PCDH9: variants seen among roughly 807,000 people sequenced by gnomAD.
PCDH9 encodes the protein protocadherin 9, also known as protocadherin-9.
Under a neutral mutation model 70.6 loss-of-function variants are expected in PCDH9, and 24 were observed. The observed-to-expected ratio is 0.34, with a 90% confidence interval of 0.25 to 0.48. The LOEUF (loss-of-function observed/expected upper bound fraction) is 0.48. PCDH9 is among the 20% of genes least tolerant of loss of function. The pLI is 0.99. For synonymous variants in PCDH9, 562 were observed against 558.5 expected (o/e 1.01, Z -0.09); for missense variants, 1,281 against 1,503.6 (o/e 0.85, Z 2.45).
chr13:66,382,687 T>C (rs1486261318), intron 4 of PCDH9, among the ~76,000 whole-genome samples: 2 of 152,222 alleles, frequency 1.3e-5, no homozygotes, highest in Non-Finnish European at 2.9e-5. Context: ...CTGATTTTTC[T>C]ATAACTCAAA....
At chr13:66,951,585 G>A (rs886641262) in intron 2 of PCDH9, among the ~76,000 whole-genome samples, 39 of 152,254 alleles carry the variant, frequency 2.6e-4, no homozygotes, top group African/African-American at 8.4e-4. Context: ...AGAGAAGAGA[G>A]CAAAGATGGG....
intron 4 of PCDH9, among the ~76,000 whole-genome samples, chr13:66,540,755 A>G (rs1487395474): frequency 6.6e-6 from 1 of 152,216 alleles, no homozygotes; most frequent in African/African-American, 2.4e-5. Flanking sequence ...ATTAGTGGTA[A>G]TTAAAATTCA....
intron 2 of PCDH9, chr13:67,213,240 A>AAAAAAAAAAAAAAT (rs1593630525): frequency 1.7e-5 from 1 of 59,024 alleles, no homozygotes; most frequent in Non-Finnish European, 3.6e-5. Flanking sequence ...AAAAAAAAAG[A>AAAAAAAAAAAAAAT]AAAAAAAAAG....
intron 3 of PCDH9, among the ~76,000 whole-genome samples, chr13:66,820,212 C>T (rs1019896377): frequency 1.3e-5 from 2 of 151,924 alleles, no homozygotes; most frequent in African/African-American, 2.4e-5. Context: ...AAAAAAAACA[C>T]AAACATAAGC....
At chr13:66,369,659 T>C (rs1431504280) in intron 4 of PCDH9, among the ~76,000 whole-genome samples, 1 of 152,132 alleles carries the variant, frequency 6.6e-6, no homozygotes, top group Non-Finnish European at 1.5e-5. Context: ...TAGAGGGAGA[T>C]TCTTTAGTCA....
At chr13:66,510,730 T>C (rs1022993942) in intron 4 of PCDH9, among the ~76,000 whole-genome samples, 1 of 152,262 alleles carries the variant, frequency 6.6e-6, no homozygotes, top group African/African-American at 2.4e-5. Flanking sequence ...TGGTGTATAT[T>C]TGCCACATTT....
chr13:66,605,400 T>C (rs2077211020), intron 4 of PCDH9, among the ~76,000 whole-genome samples: 1 of 152,040 alleles, frequency 6.6e-6, no homozygotes, highest in Non-Finnish European at 1.5e-5. Flanking sequence ...TATGTTACAG[T>C]TTCAAATAAC....
intron 4 of PCDH9, among the ~76,000 whole-genome samples, chr13:66,330,547 A>G (rs1483939865): frequency 1.3e-5 from 2 of 151,408 alleles, no homozygotes; most frequent in Admixed American, 6.6e-5. Context: ...TTTCCACCCT[A>G]CTCTCTGCTA....
intron 4 of PCDH9, among the ~76,000 whole-genome samples, chr13:66,554,328 A>G (rs1313419688): frequency 6.6e-6 from 1 of 152,130 alleles, no homozygotes; most frequent in Non-Finnish European, 1.5e-5. Flanking sequence ...TTGCAACTTT[A>G]AAGTAGGAAC....
At chr13:66,728,437 C>T (rs950865221) in intron 3 of PCDH9, among the ~76,000 whole-genome samples, 1 of 152,082 alleles carries the variant, frequency 6.6e-6, no homozygotes, top group African/African-American at 2.4e-5. Flanking sequence ...ATGTTGTTTA[C>T]TAAAATCATA....
At chr13:66,633,152 A>G (rs546127161) in intron 3 of PCDH9, among the ~76,000 whole-genome samples, 10 of 152,278 alleles carry the variant, frequency 6.6e-5, no homozygotes, top group African/African-American at 2.2e-4. Context: ...TCTGTGTGAA[A>G]TGAGTTGATA....
chr13:66,509,271 C>T (rs958711503), intron 4 of PCDH9, among the ~76,000 whole-genome samples: 4 of 152,130 alleles, frequency 2.6e-5, no homozygotes, highest in South Asian at 2.1e-4. Context: ...CTTTTCCCAG[C>T]CTCTTGCCAA....
chr13:67,090,337 C>T (rs996038968), intron 2 of PCDH9, among the ~76,000 whole-genome samples: 28 of 151,908 alleles, frequency 1.8e-4, no homozygotes, highest in Non-Finnish European at 2.7e-4. Context: ...TGTTGCTGGT[C>T]CTTAGACAAC....
rs374210685 is a variant in PCDH9, at chr13:66,489,754, G to T, written c.3340+141456C>A. 7.2e-5 allele frequency among the ~76,000 whole-genome samples: 11 copies of T among 152,270 alleles called. No homozygotes were observed. In the East Asian group the frequency reaches 9.7e-4, roughly 13 times the overall value. ...TTCTTGTTCCCACAAAACACAAAAT[G>T]AGTGAAGAAGCCTCATCGATGACAC... is the stretch of plus-strand genomic sequence containing the variant. On this transcript the variant is annotated intron_variant, in intron 4 of 4. Transcript: ENST00000377865.
At chr13:66,722,074 C>A (rs1170951039) in intron 3 of PCDH9, among the ~76,000 whole-genome samples, 1 of 152,158 alleles carries the variant, frequency 6.6e-6, no homozygotes, top group Non-Finnish European at 1.5e-5. Flanking sequence ...AGACTTAATA[C>A]CCTCCCTATC....
chr13:66,751,542 G>A (rs905228513), intron 3 of PCDH9, among the ~76,000 whole-genome samples: 1 of 152,132 alleles, frequency 6.6e-6, no homozygotes, highest in Non-Finnish European at 1.5e-5. Flanking sequence ...TTGTTCAGCT[G>A]TGTTTTATGT....
At chr13:66,651,617 A>G (rs2077852731) in intron 3 of PCDH9, among the ~76,000 whole-genome samples, 1 of 152,182 alleles carries the variant, frequency 6.6e-6, no homozygotes, top group African/African-American at 2.4e-5. Flanking sequence ...GACTAAAACT[A>G]TTCCAAAAAA....
At chr13:66,501,925 A>G (rs1959178924) in intron 4 of PCDH9, among the ~76,000 whole-genome samples, 4 of 152,270 alleles carry the variant, frequency 2.6e-5, no homozygotes, top group Middle Eastern at 3.4e-3. Context: ...GGGTGGGTAT[A>G]TAAGAAAATT....
intron 4 of PCDH9, among the ~76,000 whole-genome samples, chr13:66,320,365 C>A (rs1012778227): frequency 1.3e-5 from 2 of 151,946 alleles, no homozygotes; most frequent in Non-Finnish European, 2.9e-5. Flanking sequence ...CTGGCCCTTG[C>A]CAAATATTAT....
Sources: gnomAD v4.1 joint callset for allele counts (sites outside exome capture counted in the v4.1 genomes callset) on GRCh38, gnomAD v4.1.1 for gene constraint, MANE v1.5 for transcripts, NCBI Gene and HGNC (gene_info 2026-07-23, HGNC 2026-07-21) for gene names.